CTNND1: variants seen among roughly 807,000 people sequenced by gnomAD.
CTNND1 encodes the protein catenin delta-1.
Under a neutral mutation model 112.1 loss-of-function variants are expected in CTNND1, and 16 were observed. The observed-to-expected ratio is 0.14, with a 90% CI of 0.10 to 0.22. The LOEUF (loss-of-function observed/expected upper bound fraction) is 0.22, where lower values mean the gene tolerates loss of function less well. CTNND1 is among the 10% of genes least tolerant of loss of function. The pLI is 1.00. For missense variants in CTNND1, 1,008 were observed against 1,257.0 expected, an observed-to-expected ratio of 0.80 and a Z score of 3.00; for synonymous variants, 420 against 446.5, an observed-to-expected ratio of 0.94 and a Z score of 0.75.
intron 1 of CTNND1, among the ~76,000 whole-genome samples, chr11:57,779,451 T>C (rs551170338): frequency 2.0e-5 from 3 of 152,220 alleles, no homozygotes; most frequent in Non-Finnish European, 2.9e-5. Context: ...TTTCTCACTT[T>C]GTGGATTGGA....
At chr11:57,786,147 T>G (rs1270972089) in intron 1 of CTNND1, among the ~76,000 whole-genome samples, 1 of 152,070 alleles carries the variant, frequency 6.6e-6, no homozygotes, top group Non-Finnish European at 1.5e-5. Flanking sequence ...ATAACAAGTT[T>G]CACTTTATGT....
chr11:57,810,531 T>C (rs2063210439), intron 16 of CTNND1, among the ~76,000 whole-genome samples: 1 of 151,990 alleles, frequency 6.6e-6, no homozygotes, highest in Non-Finnish European at 1.5e-5. Flanking sequence ...GGTTTCACCA[T>C]GTTGGCCAGG....
intron 1 of CTNND1, among the ~76,000 whole-genome samples, chr11:57,778,904 C>T (rs1325148502): frequency 6.6e-6 from 1 of 152,116 alleles, no homozygotes; most frequent in Non-Finnish European, 1.5e-5. Flanking sequence ...TAATGGGTCT[C>T]GGAGCATCTA....
chr11:57,787,265 C>T (rs1591385670), intron 1 of CTNND1, among the ~76,000 whole-genome samples: 1 of 152,142 alleles, frequency 6.6e-6, no homozygotes, highest in South Asian at 2.1e-4. Flanking sequence ...TCCTTTGTCC[C>T]AGAAACACTG....
chr11:57,795,753 C>G (rs766873356), intron 5 of CTNND1, 24 bp downstream of exon 5: 2 of 1,560,582 alleles, frequency 1.3e-6, no homozygotes, highest in Non-Finnish European at 1.7e-6. Context: ...TGTGTAAGAT[C>G]TGGAAGTGAT....
intron 16 of CTNND1, 75 bp from the exon 17 acceptor site, chr11:57,811,324 G>GT (rs1591670635): frequency 8.4e-7 from 1 of 1,195,888 alleles, no homozygotes; most frequent in East Asian, 2.4e-5. Context: ...GAACCTAGAG[G>GT]TTTATGCCCA....
At chr11:57,774,493 C>T (rs12292647) in intron 1 of CTNND1, among the ~76,000 whole-genome samples, 3,357 of 152,204 alleles carry the variant, frequency 0.022, 117 homozygotes, top group African/African-American at 0.077. Context: ...TGTGCCATTC[C>T]AGCCATCCTT....
intron 1 of CTNND1, among the ~76,000 whole-genome samples, chr11:57,776,032 C>T (rs1475466916): frequency 6.6e-6 from 1 of 152,052 alleles, no homozygotes; most frequent in Non-Finnish European, 1.5e-5. Flanking sequence ...TGACACGGAG[C>T]GGGGTAAGTT....
In CTNND1 at chr11:57,819,059, G is replaced by A. The variant is rs1201950535; in HGVS notation, c.*2751G>A. On this transcript the variant is annotated 3_prime_UTR_variant, in exon 21 of 21. Coordinates refer to ENST00000399050, the MANE Select transcript of CTNND1 (RefSeq NM_001085458.2). ...AGAGATCAAGGGTTAAGATCTATGG[G>A]AAGATACTTATTTTTCTGAGGTCCT... The A allele has an allele frequency of 1.3e-5, 2 of 152,186 alleles. No homozygotes were observed. Among genetic ancestry groups the A allele is most frequent in the Non-Finnish European group, 2.9e-5 (2 of 68,046 alleles). The allele number at this position is 152,186 out of a possible 1,614,324, so 9.4% of individuals were successfully genotyped here. A position where few individuals can be genotyped will look rare whatever the true frequency, so the allele number is the denominator to read the frequency against.
intron 1 of CTNND1, among the ~76,000 whole-genome samples, chr11:57,765,694 C>T (rs1215459729): frequency 6.6e-6 from 1 of 152,010 alleles, no homozygotes; most frequent in South Asian, 2.1e-4. Flanking sequence ...TCTCAAACAC[C>T]TGGGCTCAAG....
intron 5 of CTNND1, among the ~76,000 whole-genome samples, chr11:57,796,114 C>A (rs1342540999): frequency 6.6e-6 from 1 of 152,002 alleles, no homozygotes; most frequent in Non-Finnish European, 1.5e-5. Flanking sequence ...TGGCTGGGCG[C>A]GGTGGGTCAC....
chr11:57,805,743 A>T, intron 9 of CTNND1, 139 bp from the exon 10 acceptor site: 2 of 961,166 alleles, frequency 2.1e-6, no homozygotes, highest in Non-Finnish European at 3.0e-6. Context: ...TGGAGCACTT[A>T]AGAGGCATCC....
intron 1 of CTNND1, among the ~76,000 whole-genome samples, chr11:57,767,836 C>CTTT (rs796841505): frequency 1.4e-5 from 2 of 140,860 alleles, no homozygotes; most frequent in African/African-American, 2.6e-5. Flanking sequence ...CCTTGAAGGT[C>CTTT]TTTTTTTTTT....
At chr11:57,800,773 C>T (rs1431568112) in intron 6 of CTNND1, among the ~76,000 whole-genome samples, 2 of 152,202 alleles carry the variant, frequency 1.3e-5, no homozygotes, top group Admixed American at 6.5e-5. Context: ...TTATCCTCTC[C>T]TGTGGGAGCC....
intron 1 of CTNND1, among the ~76,000 whole-genome samples, chr11:57,765,909 G>A (rs546211355): frequency 9.9e-5 from 15 of 152,248 alleles, no homozygotes; most frequent in African/African-American, 2.6e-4. Context: ...GGTGGCTCAC[G>A]CCTGTGATCC....
intron 12 of CTNND1, 131 bp from the exon 13 acceptor site, chr11:57,808,034 A>G: frequency 1.1e-6 from 1 of 923,170 alleles, no homozygotes; most frequent in Non-Finnish European, 1.6e-6. Flanking sequence ...AGTGTGAGAG[A>G]GTTTAGGGAA....
At chr11:57,803,575 A>G in intron 7 of CTNND1, 46 bp from the exon 8 acceptor site, 1 of 1,468,924 alleles carries the variant, frequency 6.8e-7, no homozygotes, top group South Asian at 1.3e-5. Context: ...CTTCAGACAT[A>G]TTGTCTTGAA....
Position 57,791,426 on chromosome 11 carries a change from G to T in CTNND1, c.-53G>T. The T allele has an allele frequency of 7.2e-7, 1 of 1,392,390 alleles. No homozygotes were observed. Among genetic ancestry groups the T allele is most frequent in the Non-Finnish European group, 9.4e-7 (1 of 1,066,328 alleles). 86.3% of individuals were successfully genotyped at this position (1,392,390 alleles called of 1,614,324 possible). ...CTCTCTCCCTCCTTCTCCTTCCTCTGTGATTCACCTTCCTTTTTACCCTGC... is the reference window on the plus strand; with the variant it reads ...CTCTCTCCCTCCTTCTCCTTCCTCTTTGATTCACCTTCCTTTTTACCCTGC... On this transcript the variant is annotated 5_prime_UTR_variant, in exon 3 of 21. Coordinates refer to ENST00000399050, the MANE Select transcript of CTNND1 (RefSeq NM_001085458.2).
chr11:57,784,133 C>G (rs1337442614), intron 1 of CTNND1, among the ~76,000 whole-genome samples: 1 of 151,770 alleles, frequency 6.6e-6, no homozygotes, highest in Non-Finnish European at 1.5e-5. Flanking sequence ...GTTGCCCAGG[C>G]TGATCTTTAA....
Sources: allele counts gnomAD v4.1 joint callset (sites outside exome capture counted in the v4.1 genomes callset), GRCh38; gene constraint gnomAD v4.1.1; transcripts MANE v1.5; gene names NCBI Gene and HGNC (gene_info 2026-07-23, HGNC 2026-07-21).